ODR4: variants seen among roughly 807,000 people sequenced by gnomAD.
ODR4 encodes odr-4 GPCR localization factor homolog, also known as protein odr-4 homolog.
ODR4 carries 47 observed loss-of-function variants against 60.2 expected under a neutral mutation model. The ratio of observed to expected loss-of-function variants is 0.78; its 90% CI spans 0.62 to 1.00. The LOEUF (loss-of-function observed/expected upper bound fraction) is 1.00. Among genes scored for constraint, ODR4 ranks in the 50% least tolerant of loss-of-function variants. ODR4 has a pLI of 0.00. For missense variants in ODR4, 488 were observed against 530.8 expected (o/e 0.92, Z 0.79); for synonymous variants, 178 against 175.5 (o/e 1.01, Z -0.11).
chr1:186,379,120 T>C (rs1008441780), intron 1 of ODR4, among the ~76,000 whole-genome samples: 1 of 152,152 alleles, frequency 6.6e-6, no homozygotes, highest in Non-Finnish European at 1.5e-5. Context: ...TCAAAGATAA[T>C]ACAACTAGGG....
chr1:186,426,533 A>G, the ODR4 span, among the ~76,000 whole-genome samples: 1 of 152,192 alleles, frequency 6.6e-6, no homozygotes, highest in Non-Finnish European at 1.5e-5. Context: ...CAGAGATGAA[A>G]GATGTGGAAA....
At chr1:186,432,717 A>C in the ODR4 span, among the ~76,000 whole-genome samples, 2 of 152,066 alleles carry the variant, frequency 1.3e-5, no homozygotes, top group South Asian at 4.2e-4. Context: ...TGTTTTAAAA[A>C]ATTTTTTTAA....
chr1:186,378,786 C>T (rs1659897917), intron 1 of ODR4, among the ~76,000 whole-genome samples: 1 of 152,070 alleles, frequency 6.6e-6, no homozygotes, highest in Non-Finnish European at 1.5e-5. Context: ...ATAATGGTAC[C>T]CACTTCCTGG....
At chr1:186,430,004 T>G in the ODR4 span, among the ~76,000 whole-genome samples, 2 of 152,158 alleles carry the variant, frequency 1.3e-5, no homozygotes, top group Non-Finnish European at 2.9e-5. Flanking sequence ...GAAGTTACAG[T>G]TGTTTGTTTT....
At chr1:186,393,334 C>T (rs954027195) in intron 8 of ODR4, among the ~76,000 whole-genome samples, 1 of 152,166 alleles carries the variant, frequency 6.6e-6, no homozygotes, top group Non-Finnish European at 1.5e-5. Flanking sequence ...AATCCTGAAA[C>T]TTTACAGGAG....
chr1:186,388,926 A>G (rs938736240), intron 5 of ODR4, among the ~76,000 whole-genome samples: 1 of 152,198 alleles, frequency 6.6e-6, no homozygotes, highest in Non-Finnish European at 1.5e-5. Context: ...ATAAGGATGT[A>G]CAATTCAAAG....
chr1:186,425,613 T>G (rs866959973), downstream of ODR4, among the ~76,000 whole-genome samples: 32 of 152,206 alleles, frequency 2.1e-4, no homozygotes, highest in African/African-American at 7.2e-4. Flanking sequence ...AACAGCACCC[T>G]TAACTACCTT....
chr1:186,391,456 G>A (rs1660466217), intron 7 of ODR4, among the ~76,000 whole-genome samples: 1 of 150,326 alleles, frequency 6.7e-6, no homozygotes, highest in Admixed American at 6.6e-5. Flanking sequence ...AACCTCCTGA[G>A]TCTGTGACAT....
intron 4 of ODR4, among the ~76,000 whole-genome samples, 195 bp from the exon 5 acceptor site, chr1:186,388,247 T>C (rs1012467157): frequency 5.9e-5 from 9 of 152,228 alleles, no homozygotes; most frequent in Non-Finnish European, 8.8e-5. Flanking sequence ...CTTGGGAAGC[T>C]GAGGTGAGAG....
chr1:186,432,784 G>C, the ODR4 span, among the ~76,000 whole-genome samples: 1 of 150,448 alleles, frequency 6.6e-6, no homozygotes, highest in African/African-American at 2.4e-5. Flanking sequence ...GAATCTGGCA[G>C]ATTTTTTTTT....
the ODR4 span, among the ~76,000 whole-genome samples, chr1:186,429,763 G>A: frequency 6.6e-6 from 1 of 152,028 alleles, no homozygotes; most frequent in African/African-American, 2.4e-5. Context: ...TAAAAGATTT[G>A]TCTAAATATA....
At chr1:186,426,369 G>A (rs557170285), downstream of ODR4, among the ~76,000 whole-genome samples, 39 of 152,298 alleles carry the variant, frequency 2.6e-4, no homozygotes, top group African/African-American at 8.7e-4. Context: ...GCTGTGTGGG[G>A]TATTCAATTA....
the ODR4 span, among the ~76,000 whole-genome samples, chr1:186,433,776 C>T: frequency 3.9e-5 from 6 of 152,000 alleles, no homozygotes; most frequent in African/African-American, 1.4e-4. Context: ...AGACGGGTTT[C>T]GCCATGTTGC....
At chr1:186,417,461 G>GT (rs1406643530) in intron 12 of ODR4, 83 bp from the exon 13 acceptor site, 3 of 777,858 alleles carry the variant, frequency 3.9e-6, no homozygotes, top group Non-Finnish European at 6.4e-6. Flanking sequence ...TGATCGTATA[G>GT]TTTTTTATAA....
intron 1 of ODR4, among the ~76,000 whole-genome samples, chr1:186,378,320 T>C (rs1238736665): frequency 1.3e-5 from 2 of 152,332 alleles, no homozygotes; most frequent in East Asian, 3.9e-4. Flanking sequence ...GATTCCTAAA[T>C]TGCAGTGTTC....
intron 11 of ODR4, among the ~76,000 whole-genome samples, chr1:186,401,986 T>C (rs879684719): frequency 1.3e-5 from 2 of 152,098 alleles, no homozygotes; most frequent in Non-Finnish European, 2.9e-5. Flanking sequence ...CTTGGAGTTT[T>C]CTTTGGAGAT....
At chr1:186,398,141 A>G (rs1257342398) in intron 9 of ODR4, among the ~76,000 whole-genome samples, 172 bp from the exon 10 acceptor site, 1 of 152,224 alleles carries the variant, frequency 6.6e-6, no homozygotes, top group Non-Finnish European at 1.5e-5. Context: ...ATAATATATA[A>G]CTTATAAAAA....
the ODR4 span, among the ~76,000 whole-genome samples, chr1:186,433,898 T>C: frequency 6.6e-6 from 1 of 152,126 alleles, no homozygotes; most frequent in African/African-American, 2.4e-5. Context: ...GTTTTTAATA[T>C]GTCCTTTAGA....
At chr1:186,379,108 T>C (rs1659915457) in intron 1 of ODR4, among the ~76,000 whole-genome samples, 1 of 152,130 alleles carries the variant, frequency 6.6e-6, no homozygotes, top group South Asian at 2.1e-4. Context: ...AGCAATAGAG[T>C]ATCAAAGATA....
Sources: allele counts gnomAD v4.1 joint callset (sites outside exome capture counted in the v4.1 genomes callset), GRCh38; gene constraint gnomAD v4.1.1; transcripts MANE v1.5; gene names NCBI Gene and HGNC (gene_info 2026-07-23, HGNC 2026-07-21).